The following OCA2 variants were observed in gnomAD, a reference collection of about 807,000 sequenced individuals.
OCA2 encodes OCA2 melanosomal transmembrane protein.
Under a neutral mutation model 100.2 loss-of-function variants are expected in OCA2, and 77 were observed. The observed-to-expected ratio is 0.77, with a 90% CI of 0.64 to 0.93. OCA2 has a LOEUF of 0.93. Ranked by LOEUF, OCA2 falls within the 40% of genes least tolerant of loss-of-function variation. OCA2 has a pLI of 0.00. For synonymous variants in OCA2, 432 were observed against 439.2 expected, an observed-to-expected ratio of 0.98 and a Z score of 0.21; for missense variants, 1,062 against 1,089.1, an observed-to-expected ratio of 0.98 and a Z score of 0.35.
At chr15:28,082,144 T>C (rs2044656400) in intron 1 of OCA2, among the ~76,000 whole-genome samples, 1 of 152,128 alleles carries the variant, frequency 6.6e-6, no homozygotes, top group Non-Finnish European at 1.5e-5. Flanking sequence ...GCACTCTGTG[T>C]CTAGCTAGAG....
rs974850058 is a variant in OCA2, at chr15:28,094,360, G to A, written c.-22+4864C>T. On this transcript the variant is annotated intron_variant, in intron 1 of 23. Coordinates refer to ENST00000354638, the MANE Select transcript of OCA2 (RefSeq NM_000275.3). Reference sequence around the variant, plus strand: ...CTAGGGCAGGGCCACCCTGGGCAGAGCTCCCGCCCGTAGGGACACCTGCAG... The same window carrying A: ...CTAGGGCAGGGCCACCCTGGGCAGAACTCCCGCCCGTAGGGACACCTGCAG... Among the ~76,000 whole-genome samples the A allele has an allele frequency of 5.9e-5, 9 of 152,250 alleles. No individual in the cohort carries two copies. In the South Asian group the frequency reaches 6.2e-4, roughly 11 times the overall value.
intron 9 of OCA2, among the ~76,000 whole-genome samples, chr15:28,004,220 G>A (rs1016592242): frequency 6.8e-6 from 1 of 147,262 alleles, no homozygotes; most frequent in African/African-American, 2.7e-5. Context: ...AGAAGCTGCC[G>A]GCCCTGGGGT....
chr15:28,019,306 G>A (rs989180437), intron 6 of OCA2, among the ~76,000 whole-genome samples: 2 of 151,928 alleles, frequency 1.3e-5, no homozygotes, highest in African/African-American at 4.8e-5. Flanking sequence ...CAGCAAAGAA[G>A]AGCAGGAAGG....
At position 27,872,008 on chromosome 15, in the gene OCA2, C is replaced by T. The variant is rs927393071; in HGVS notation, c.2080-86G>A. 1.1e-4 allele frequency: 113 copies of T among 997,232 alleles called. 1 individual carries two copies. In the African/African-American group the frequency reaches 1.2e-3, roughly 11 times the overall value. 61.8% of individuals were successfully genotyped at this position (997,232 alleles called of 1,614,324 possible). ...AAAAAAAGTCTTGAAAATGAAAAGACGTGAACATAAGGTAGGCCCAGATTC... is the reference window on the plus strand; with the variant it reads ...AAAAAAAGTCTTGAAAATGAAAAGATGTGAACATAAGGTAGGCCCAGATTC... On this transcript the variant is annotated intron_variant, in intron 19 of 23. Transcript: ENST00000354638.
At chr15:27,905,218 A>T (rs2038129783) in intron 19 of OCA2, among the ~76,000 whole-genome samples, 1 of 151,956 alleles carries the variant, frequency 6.6e-6, no homozygotes, top group Admixed American at 6.6e-5. Context: ...TGGCAGTGGT[A>T]TAACTGCTTC....
At chr15:27,761,222 T>C (rs766159173) in intron 23 of OCA2, among the ~76,000 whole-genome samples, 2 of 151,738 alleles carry the variant, frequency 1.3e-5, no homozygotes, top group Non-Finnish European at 2.9e-5. Context: ...CTAAAACTAA[T>C]CAGTGAGCAG....
chr15:28,086,049 G>A (rs1457318080), intron 1 of OCA2, among the ~76,000 whole-genome samples: 2 of 152,200 alleles, frequency 1.3e-5, no homozygotes, highest in African/African-American at 4.8e-5. Flanking sequence ...CTTCGCAAAA[G>A]GCTGAGTAGG....
intron 21 of OCA2, among the ~76,000 whole-genome samples, chr15:27,862,451 T>C (rs1338270270): frequency 6.7e-6 from 1 of 149,774 alleles, no homozygotes; most frequent in Non-Finnish European, 1.5e-5. Flanking sequence ...CAAAGAACTT[T>C]GAAAAAAAAG....
intron 18 of OCA2, among the ~76,000 whole-genome samples, chr15:27,943,640 G>A (rs1467976157): frequency 2.1e-5 from 3 of 144,466 alleles, no homozygotes; most frequent in Non-Finnish European, 4.5e-5. Flanking sequence ...TGCACAATGT[G>A]CACATGTGCC....
At chr15:27,931,178 A>T (rs1411180805) in intron 18 of OCA2, among the ~76,000 whole-genome samples, 4 of 151,448 alleles carry the variant, frequency 2.6e-5, no homozygotes, top group African/African-American at 9.7e-5. Context: ...AAAACAAAAC[A>T]AAACAAAAAA....
chr15:28,022,629 TA>T, intron 5 of OCA2, 56 bp from the exon 6 acceptor site: 1 of 1,331,786 alleles, frequency 7.5e-7, no homozygotes, highest in Non-Finnish European at 1.1e-6. Context: ...CAGTAAGGTA[TA>T]AATCATTTTG....
At position 28,024,866 on chromosome 15, in the gene OCA2, A is replaced by C; in HGVS notation, c.552T>G (p.Phe184Leu). 1 of 1,614,242 alleles carries C rather than the reference A, an allele frequency of 6.2e-7. No individual in the cohort carries two copies. The highest frequency in any genetic ancestry group is 8.5e-7 in the Non-Finnish European group (1 of 1,180,040). ...TCACAGAACACAGCACCACAAAGGC[A>C]AACAGGCCCATGACTTTCAGCCACT... ...CVQWLKVMGLFAFVVLCSILF... is the reference protein window; with the variant it reads ...CVQWLKVMGLLAFVVLCSILF... The change falls in exon 5 of 24, where the codon TTT (phenylalanine) becomes TTG (leucine). Residue 184 changes from phenylalanine to leucine, a missense_variant. Coordinates refer to ENST00000354638, the MANE Select transcript of OCA2 (RefSeq NM_000275.3).
chr15:27,944,570 T>C (rs955445566), intron 18 of OCA2, among the ~76,000 whole-genome samples: 3 of 152,166 alleles, frequency 2.0e-5, no homozygotes, highest in African/African-American at 7.2e-5. Context: ...GAGATACGTT[T>C]TCAGGGTTTT....
At chr15:28,094,662 G>A (rs2044935786) in intron 1 of OCA2, among the ~76,000 whole-genome samples, 1 of 152,238 alleles carries the variant, frequency 6.6e-6, no homozygotes, top group Non-Finnish European at 1.5e-5. Flanking sequence ...CCTCTCTCCG[G>A]CTCTGCGCTC....
intron 19 of OCA2, among the ~76,000 whole-genome samples, chr15:27,882,662 T>C (rs1249997095): frequency 6.6e-6 from 1 of 152,222 alleles, no homozygotes; most frequent in East Asian, 1.9e-4. Context: ...ATATGTAAAC[T>C]CTGGATTCTG....
chr15:27,733,149 A>C, the OCA2 span, among the ~76,000 whole-genome samples: 4 of 152,202 alleles, frequency 2.6e-5, no homozygotes, highest in African/African-American at 9.6e-5. Flanking sequence ...AAATACCTCA[A>C]TTTTGTTTGG....
chr15:28,032,202 G>T, intron 2 of OCA2, 39 bp from the exon 3 acceptor site: 7 of 1,382,038 alleles, frequency 5.1e-6, no homozygotes, highest in Non-Finnish European at 7.2e-6. Context: ...CACCAACACA[G>T]AAATAATGTA....
chr15:28,098,682 A>G (rs1041019627), intron 1 of OCA2, among the ~76,000 whole-genome samples: 16 of 152,180 alleles, frequency 1.1e-4, no homozygotes, highest in Admixed American at 9.2e-4. Flanking sequence ...GGTTCTGCAA[A>G]CCCAGAGCGT....
intron 23 of OCA2, among the ~76,000 whole-genome samples, chr15:27,794,541 C>T (rs2033240336): frequency 6.6e-6 from 1 of 152,162 alleles, no homozygotes; most frequent in African/African-American, 2.4e-5. Context: ...CCTAACGGGC[C>T]ATGACTGCAT....
Sources: gnomAD v4.1 joint callset for allele counts (sites outside exome capture counted in the v4.1 genomes callset) on GRCh38, gnomAD v4.1.1 for gene constraint, MANE v1.5 for transcripts, NCBI Gene and HGNC (gene_info 2026-07-23, HGNC 2026-07-21) for gene names.